MYO1E: variants seen among roughly 807,000 people sequenced by gnomAD.
MYO1E encodes myosin IE, also known as unconventional myosin-Ie.
MYO1E carries 68 observed loss-of-function variants against 151.1 expected under a neutral mutation model. The ratio of observed to expected loss-of-function variants is 0.45; its 90% CI spans 0.37 to 0.55. MYO1E has a LOEUF of 0.55. Ranked by LOEUF, MYO1E falls within the 20% of genes least tolerant of loss-of-function variation. MYO1E has a pLI of 0.00. For synonymous variants in MYO1E, 601 were observed against 501.7 expected (o/e 1.20, Z -2.64); for missense variants, 1,363 against 1,389.3 (o/e 0.98, Z 0.30).
intron 10 of MYO1E, among the ~76,000 whole-genome samples, chr15:59,215,239 G>T (rs1366455560): frequency 6.6e-6 from 1 of 152,122 alleles, no homozygotes; most frequent in African/African-American, 2.4e-5. Flanking sequence ...CATTATTTTT[G>T]AATTGATAAT....
Position 59,223,044 on chromosome 15 carries a change from G to C in MYO1E, c.910+15C>G, listed in dbSNP as rs1174789181. On this transcript the variant is annotated intron_variant, in intron 9 of 27. Coordinates refer to ENST00000288235, the MANE Select transcript of MYO1E (RefSeq NM_004998.4). The stretch of plus-strand genomic sequence containing the variant: ...GCCACCCCTCATTCAATGGCCACAT[G>C]CCAGGGCTACGCACACTCTTCACTC... 6.2e-7 allele frequency: 1 copy of C among 1,613,674 alleles called. No homozygotes were observed. The highest frequency in any genetic ancestry group is 8.5e-7 in the Non-Finnish European group (1 of 1,180,012).
intron 1 of MYO1E, among the ~76,000 whole-genome samples, chr15:59,312,708 C>T (rs764240170): frequency 2.0e-5 from 3 of 152,020 alleles, no homozygotes; most frequent in Non-Finnish European, 4.4e-5. Context: ...ATCAGCAACA[C>T]CAGGAAACTT....
At chr15:59,370,274 G>A (rs1005544805) in intron 1 of MYO1E, among the ~76,000 whole-genome samples, 4 of 152,246 alleles carry the variant, frequency 2.6e-5, no homozygotes, top group African/African-American at 9.6e-5. Context: ...GCTTGACAGA[G>A]TCTGACATAA....
At position 59,174,253 on chromosome 15, in the gene MYO1E, A is replaced by G. The variant is rs747814284; in HGVS notation, c.2050-13T>C. The G allele has an allele frequency of 6.3e-7, 1 of 1,587,024 alleles. No individual in the cohort carries two copies. Among genetic ancestry groups the G allele is most frequent in the South Asian group, 1.1e-5 (1 of 90,550 alleles). On this transcript the variant is annotated splice_polypyrimidine_tract_variant and intron_variant, in intron 19 of 27. Transcript: ENST00000288235. ...CTAAAAGAAATAGCTGTGAATGGAG[A>G]GAAGACAAATGTGAGCCAAGCCCCA...
At chr15:59,271,976 T>A (rs1410632718) in intron 2 of MYO1E, among the ~76,000 whole-genome samples, 1 of 152,234 alleles carries the variant, frequency 6.6e-6, no homozygotes, top group Non-Finnish European at 1.5e-5. Context: ...GGCATCATCT[T>A]TGCCCTTTGC....
At chr15:59,365,804 T>C (rs1286209892) in intron 1 of MYO1E, among the ~76,000 whole-genome samples, 1 of 152,226 alleles carries the variant, frequency 6.6e-6, no homozygotes, top group Non-Finnish European at 1.5e-5. Context: ...AGGGACCTGC[T>C]GGATACTGCA....
intron 25 of MYO1E, among the ~76,000 whole-genome samples, 153 bp downstream of exon 25, chr15:59,158,134 G>A (rs1206474179): frequency 6.6e-6 from 1 of 152,244 alleles, no homozygotes; most frequent in Non-Finnish European, 1.5e-5. Flanking sequence ...GAGGTCTCAA[G>A]TAGGGCTGCT....
chr15:59,240,976 C>T (rs74020322), intron 4 of MYO1E, among the ~76,000 whole-genome samples: 3,491 of 152,294 alleles, frequency 0.023, 133 homozygotes, highest in East Asian at 0.075. Context: ...TATACAAAGG[C>T]TATTAATAAC....
intron 22 of MYO1E, among the ~76,000 whole-genome samples, chr15:59,169,883 G>C (rs537224319): frequency 6.6e-6 from 1 of 152,328 alleles, no homozygotes; most frequent in South Asian, 2.1e-4. Flanking sequence ...CTCAAGGCCA[G>C]GCACGGTGGC....
intron 4 of MYO1E, among the ~76,000 whole-genome samples, chr15:59,254,195 A>AAAAAC (rs199845549): frequency 0.012 from 1,823 of 152,090 alleles, 43 homozygotes; most frequent in African/African-American, 0.042. Flanking sequence ...GCTTTATTAA[A>AAAAAC]AAAACAAAAC....
intron 1 of MYO1E, among the ~76,000 whole-genome samples, chr15:59,353,652 A>G (rs547486317): frequency 4.7e-4 from 71 of 151,742 alleles, no homozygotes; most frequent in African/African-American, 1.7e-3. Flanking sequence ...AGCTACTCGG[A>G]AGGCTGAGGC....
intron 22 of MYO1E, among the ~76,000 whole-genome samples, chr15:59,170,606 AC>A (rs1331941256): frequency 6.6e-6 from 1 of 152,112 alleles, no homozygotes; most frequent in Non-Finnish European, 1.5e-5. Context: ...AACAAAAAAA[AC>A]AATAGCCTTG....
At chr15:59,334,243 C>G (rs2080715073) in intron 1 of MYO1E, among the ~76,000 whole-genome samples, 1 of 152,162 alleles carries the variant, frequency 6.6e-6, no homozygotes, top group Non-Finnish European at 1.5e-5. Context: ...ATTATTGCAT[C>G]ACTGCACTCC....
chr15:59,290,896 T>C (rs71480519), intron 1 of MYO1E, among the ~76,000 whole-genome samples: 1,679 of 152,264 alleles, frequency 0.011, 15 homozygotes, highest in Non-Finnish European at 0.015. Flanking sequence ...ACACAAATTA[T>C]CTCAAAGCAG....
At position 59,178,480 on chromosome 15, in the gene MYO1E, G is replaced by A. The variant is rs770645366; in HGVS notation, c.1962C>T (p.Gly654=). 8.1e-6 allele frequency: 13 copies of A among 1,614,068 alleles called. No homozygotes were observed. The highest frequency in any genetic ancestry group is 4.0e-5 in the African/African-American group (3 of 74,916). The part of the protein sequence containing the change: ...WPSWQGEEKQ[G]VLHLLQSVNM... ...TGACCGACTGCAGCAGGTGCAGGAC[G>A]CCTTGCTTCTCCTCTCCCTGCCAAG... Residue 654 remains glycine, a synonymous_variant, in exon 19 of 28, where the codon GGC becomes GGT. Transcript: ENST00000288235.
chr15:59,191,369 A>AG (rs36017033), intron 17 of MYO1E, among the ~76,000 whole-genome samples: 14,560 of 135,072 alleles, frequency 0.11, 953 homozygotes, highest in Non-Finnish European at 0.14. Flanking sequence ...AGAGAGAGAG[A>AG]AAGAAATGTC....
At chr15:59,371,740 G>A (rs1203311611) in intron 1 of MYO1E, among the ~76,000 whole-genome samples, 1 of 152,116 alleles carries the variant, frequency 6.6e-6, no homozygotes, top group African/African-American at 2.4e-5. Context: ...TCGCGCTTGG[G>A]AAGGGGTGGG....
intron 1 of MYO1E, among the ~76,000 whole-genome samples, chr15:59,314,277 C>T (rs2140412752): frequency 6.6e-6 from 1 of 152,326 alleles, no homozygotes; most frequent in Non-Finnish European, 1.5e-5. Context: ...AACTATTTCA[C>T]ACAATGCTGG....
intron 1 of MYO1E, among the ~76,000 whole-genome samples, chr15:59,302,767 A>T (rs1218307726): frequency 7.5e-6 from 1 of 133,198 alleles, no homozygotes; most frequent in African/African-American, 3.6e-5. Flanking sequence ...ATACATTATA[A>T]ACTCTGGACA....
Sources: allele counts gnomAD v4.1 joint callset (sites outside exome capture counted in the v4.1 genomes callset), GRCh38; gene constraint gnomAD v4.1.1; transcripts MANE v1.5; gene names NCBI Gene and HGNC (gene_info 2026-07-23, HGNC 2026-07-21).